Variants in CTSH observed in about 807,000 individuals in gnomAD.
CTSH encodes pro-cathepsin H.
A neutral mutation model predicts 56.3 loss-of-function variants in CTSH; 52 were observed. The observed-to-expected ratio is 0.92, with a 90% CI of 0.74 to 1.16. CTSH has a LOEUF of 1.16. Ranked by LOEUF, CTSH falls within the 50% of genes most tolerant of loss-of-function variation. CTSH has a pLI of 0.00. For synonymous variants in CTSH, 174 were observed against 155.7 expected, an observed-to-expected ratio of 1.12 and a Z score of -0.88; for missense variants, 406 against 424.5, an observed-to-expected ratio of 0.96 and a Z score of 0.38.
intron 3 of CTSH, 94 bp from the exon 4 acceptor site, chr15:78,935,844 G>A (rs969962856): frequency 2.3e-6 from 2 of 871,174 alleles, no homozygotes; most frequent in Non-Finnish European, 3.7e-6. Flanking sequence ...GTTTACCTGT[G>A]TCGTATTTAG....
intron 5 of CTSH, chr15:78,934,753 A>C (rs2055137341): frequency 1.6e-6 from 1 of 614,396 alleles, no homozygotes; most frequent in Non-Finnish European, 3.0e-6. Flanking sequence ...GGAAGGGAGT[A>C]AACTTTAGCC....
rs953576639 is a variant in CTSH, at chr15:78,944,969, G to C, written c.13C>G (p.Leu5Val). 15 of 1,544,778 alleles carry C rather than the reference G, an allele frequency of 9.7e-6. No homozygotes were observed. The highest frequency in any genetic ancestry group is 1.3e-5 in the Non-Finnish European group (15 of 1,145,194). MWAT[L>V]PLLCAGAWLL... ...CAGGCCCCGGCGCAGAGCAGCGGCA[G>C]CGTGGCCCACATCGCAGCGCTGGCG... The change falls in exon 1 of 12, where the codon CTG becomes GTG. Residue 5 changes from leucine to valine, a missense_variant. Coordinates refer to ENST00000220166, the MANE Select transcript of CTSH (RefSeq NM_004390.5).
At chr15:78,924,629 C>G (rs1011111009) in intron 10 of CTSH, among the ~76,000 whole-genome samples, 1 of 151,948 alleles carries the variant, frequency 6.6e-6, no homozygotes, top group Admixed American at 6.6e-5. Flanking sequence ...AGCACAGGAT[C>G]CTAGTGTGTG....
intron 9 of CTSH, chr15:78,927,500 A>C (rs1338322785): frequency 1.8e-6 from 1 of 571,140 alleles, no homozygotes; most frequent in Non-Finnish European, 3.1e-6. Context: ...TCTGGAGTTC[A>C]GAACCAGAGG....
chr15:78,943,150 CT>C (rs2055329300), intron 1 of CTSH, among the ~76,000 whole-genome samples: 1 of 152,152 alleles, frequency 6.6e-6, no homozygotes, highest in Non-Finnish European at 1.5e-5. Flanking sequence ...TGAACCGTGC[CT>C]TACCCTAAAA....
chr15:78,943,781 T>G (rs1007819722), intron 1 of CTSH, among the ~76,000 whole-genome samples: 4 of 152,236 alleles, frequency 2.6e-5, no homozygotes, highest in Non-Finnish European at 5.9e-5. Flanking sequence ...TACCGTCTGG[T>G]CTTTCACAGA....
intron 1 of CTSH, among the ~76,000 whole-genome samples, chr15:78,940,032 C>T (rs1002074087): frequency 2.0e-5 from 3 of 152,232 alleles, no homozygotes; most frequent in African/African-American, 7.2e-5. Context: ...TCAGAGACAG[C>T]CACAGAGACT....
chr15:78,944,778 C>T (rs1368831391), intron 1 of CTSH, 113 bp downstream of exon 1: 40 of 1,389,572 alleles, frequency 2.9e-5, no homozygotes, highest in East Asian at 2.4e-4. Context: ...GGCCTCTCAC[C>T]GGGGAAAGCT....
At chr15:78,929,348 G>T in intron 8 of CTSH, 64 bp downstream of exon 8, 2 of 1,250,664 alleles carry the variant, frequency 1.6e-6, no homozygotes, top group Non-Finnish European at 2.3e-6. Flanking sequence ...TTCCAAGGCT[G>T]GGGAGGGAGT....
intron 10 of CTSH, among the ~76,000 whole-genome samples, chr15:78,924,402 G>A (rs560759722): frequency 1.3e-5 from 2 of 152,190 alleles, no homozygotes; most frequent in East Asian, 3.9e-4. Context: ...GGGGGGTTAG[G>A]GGGTCCAAGG....
At chr15:78,937,662 T>G in intron 2 of CTSH, 1 of 1,392,726 alleles carries the variant, frequency 7.2e-7, no homozygotes, top group Non-Finnish European at 9.5e-7. Flanking sequence ...CAGAATGTGG[T>G]CCAAGAGGCA....
intron 1 of CTSH, among the ~76,000 whole-genome samples, chr15:78,942,160 A>G (rs2055308368): frequency 6.6e-6 from 1 of 151,552 alleles, no homozygotes; most frequent in Non-Finnish European, 1.5e-5. Flanking sequence ...CTTTCTGTGC[A>G]TCCAATCCCA....
chr15:78,945,042 C>T lies in CTSH; in HGVS notation c.-61G>A. ...CCGCGGAGGTGGCGGCCCAGAGCGT[C>T]AACTGGGAGCGCGGGGGGGGAGCGG... is the stretch of plus-strand genomic sequence containing the variant. On this transcript the variant is annotated 5_prime_UTR_variant, in exon 1 of 12. Coordinates refer to ENST00000220166, the MANE Select transcript of CTSH (RefSeq NM_004390.5). The T allele has an allele frequency of 7.7e-7, 1 of 1,296,242 alleles. No individual in the cohort carries two copies. The highest frequency in any genetic ancestry group is 1.0e-6 in the Non-Finnish European group (1 of 1,001,312). 80.3% of individuals were successfully genotyped at this position (1,296,242 alleles called of 1,614,324 possible). A position where few individuals can be genotyped will look rare whatever the true frequency, so the allele number is the denominator to read the frequency against.
At chr15:78,932,653 C>G (rs1274212868) in intron 5 of CTSH, among the ~76,000 whole-genome samples, 195 bp from the exon 6 acceptor site, 1 of 149,122 alleles carries the variant, frequency 6.7e-6, no homozygotes, top group Non-Finnish European at 1.5e-5. Context: ...TTCTGAGGCT[C>G]GCAAGCCCTG....
intron 7 of CTSH, among the ~76,000 whole-genome samples, chr15:78,931,037 G>A (rs1039405106): frequency 6.6e-6 from 1 of 152,194 alleles, no homozygotes; most frequent in African/African-American, 2.4e-5. Context: ...CTCACAGGGC[G>A]CAATGAGCTT....
At chr15:78,936,175 C>A (rs1291659115) in intron 3 of CTSH, among the ~76,000 whole-genome samples, 1 of 130,780 alleles carries the variant, frequency 7.6e-6, no homozygotes, top group African/African-American at 2.8e-5. Flanking sequence ...TTTTTCTTTT[C>A]TTTTCTTTTT....
intron 5 of CTSH, 108 bp from the exon 6 acceptor site, chr15:78,932,566 G>A: frequency 1.3e-6 from 1 of 780,760 alleles, no homozygotes; most frequent in Non-Finnish European, 2.1e-6. Context: ...GAGTCCCCAG[G>A]TGCCTTGGCA....
At chr15:78,929,382 A>G (rs1251602438) in intron 8 of CTSH, 30 bp downstream of exon 8, 1 of 1,570,890 alleles carries the variant, frequency 6.4e-7, no homozygotes, top group Non-Finnish European at 8.8e-7. Flanking sequence ...CTGTACGCCA[A>G]GAAGACAGAG....
chr15:78,923,050 T>A lies in CTSH; in HGVS notation c.875A>T (p.Asn292Ile), dbSNP rs1178094254. 1 of 1,613,212 alleles carries A rather than the reference T, an allele frequency of 6.2e-7. No homozygotes were observed. Among genetic ancestry groups the A allele is most frequent in the Admixed American group, 1.7e-5 (1 of 59,860 alleles). The stretch of plus-strand genomic sequence containing the variant: ...TTTCACGATCCAGTAAGGGATCCCA[T>A]TTTTTTCTCCATACCCAACAGCCAG... ...AVLAVGYGEKNGIPYWIVKNS... is the reference protein window; with the variant it reads ...AVLAVGYGEKIGIPYWIVKNS... The change falls in exon 11 of 12, where the codon AAT becomes ATT. Residue 292 changes from asparagine (N) to isoleucine (I), a missense_variant. Asn to Ile is a moderately radical substitution (Grantham distance 149). Transcript: ENST00000220166.
Sources: allele counts gnomAD v4.1 joint callset (sites outside exome capture counted in the v4.1 genomes callset), GRCh38; gene constraint gnomAD v4.1.1; transcripts MANE v1.5; gene names NCBI Gene and HGNC (gene_info 2026-07-23, HGNC 2026-07-21).